Variants in NRG1 observed in about 807,000 individuals in gnomAD.
NRG1 encodes the protein neuregulin 1.
In NRG1, 18 loss-of-function variants were observed where a neutral mutation model predicts 63.8. The observed-to-expected ratio is 0.28, with a 90% CI of 0.19 to 0.42. The LOEUF is 0.42. Ranked by LOEUF, NRG1 falls within the 10% of genes least tolerant of loss-of-function variation. The pLI is 1.00. For synonymous variants in NRG1, 302 were observed against 301.3 expected, an observed-to-expected ratio of 1.00 and a Z score of -0.02; for missense variants, 762 against 814.7, an observed-to-expected ratio of 0.94 and a Z score of 0.79.
At chr8:32,343,769 A>C (rs1375817317) in intron 1 of NRG1, among the ~76,000 whole-genome samples, 1 of 152,178 alleles carries the variant, frequency 6.6e-6, no homozygotes, top group Admixed American at 6.5e-5. Context: ...ATTGTTTAGC[A>C]CCTCATTGTG....
intron 10 of NRG1, 139 bp from the exon 11 acceptor site, chr8:32,760,061 G>A (rs1830414881): frequency 6.5e-6 from 6 of 920,326 alleles, no homozygotes; most frequent in Middle Eastern, 2.4e-4. Flanking sequence ...GATTCTATTC[G>A]GAGACAAGTG....
intron 7 of NRG1, among the ~76,000 whole-genome samples, chr8:32,752,093 A>C (rs932915545): frequency 3.9e-5 from 6 of 152,202 alleles, no homozygotes; most frequent in Admixed American, 2.6e-4. Context: ...GAGGACAATC[A>C]TACAGGGCCT....
At chr8:32,638,315 A>C (rs1033023140) in intron 5 of NRG1, among the ~76,000 whole-genome samples, 1 of 152,158 alleles carries the variant, frequency 6.6e-6, no homozygotes, top group African/African-American at 2.4e-5. Context: ...AAAGTATAAT[A>C]AAAAAATTAA....
intron 3 of NRG1, among the ~76,000 whole-genome samples, chr8:32,608,092 GTTTTTTTTTTTTTTGTTT>G (rs1243415015): frequency 1.8e-4 from 19 of 106,158 alleles, no homozygotes; most frequent in East Asian, 1.5e-3. Context: ...GGTTTTTTTT[GTTTTTTTTTTTTTTGTTT>G]TTTTTTTTTT....
chr8:32,058,802 G>A (rs1317301481), intron 1 of NRG1, among the ~76,000 whole-genome samples: 1 of 151,786 alleles, frequency 6.6e-6, no homozygotes, highest in African/African-American at 2.4e-5. Flanking sequence ...CTGATGACTT[G>A]CAATATTTTC....
At chr8:32,447,473 G>A (rs1587707187) in intron 1 of NRG1, among the ~76,000 whole-genome samples, 1 of 152,120 alleles carries the variant, frequency 6.6e-6, no homozygotes, top group Non-Finnish European at 1.5e-5. Flanking sequence ...TGCATACAGA[G>A]GAAATTGATA....
In NRG1 at chr8:32,669,942, A is replaced by G. The variant is rs182239347; in HGVS notation, c.502+53057A>G. 7.4e-4 allele frequency among the ~76,000 whole-genome samples: 113 copies of G among 152,324 alleles called. 1 individual carries two copies. Among genetic ancestry groups the G allele is most frequent in the Non-Finnish European group, 3.4e-4 (23 of 68,030 alleles). ...CTACATTCTGTTGTATCCCATTTCT[A>G]TCTCAGGGAATTATGTGTGTTTACC... On this transcript the variant is annotated intron_variant, in intron 5 of 11. Transcript: ENST00000356819.
chr8:32,291,686 G>A (rs747749021), intron 1 of NRG1, among the ~76,000 whole-genome samples: 3 of 151,736 alleles, frequency 2.0e-5, no homozygotes, highest in Non-Finnish European at 4.4e-5. Context: ...AGGACTACAG[G>A]TGCACACCAC....
intron 1 of NRG1, among the ~76,000 whole-genome samples, chr8:31,852,039 T>C (rs1475205218): frequency 1.3e-5 from 2 of 149,664 alleles, no homozygotes; most frequent in African/African-American, 4.9e-5. Flanking sequence ...TCCAAGTCTT[T>C]GCTATTGTGA....
At chr8:32,248,140 C>T (rs980260510) in intron 1 of NRG1, among the ~76,000 whole-genome samples, 1 of 152,074 alleles carries the variant, frequency 6.6e-6, no homozygotes, top group Non-Finnish European at 1.5e-5. Flanking sequence ...TTAACAAAAA[C>T]ATGTTCTGCA....
chr8:31,796,711 A>C (rs2131693844), intron 1 of NRG1, among the ~76,000 whole-genome samples: 1 of 152,226 alleles, frequency 6.6e-6, no homozygotes, highest in African/African-American at 2.4e-5. Context: ...TACTGGGATT[A>C]CAGGCGTGAG....
At chr8:32,090,013 A>G (rs1249727435) in intron 1 of NRG1, among the ~76,000 whole-genome samples, 1 of 152,122 alleles carries the variant, frequency 6.6e-6, no homozygotes, top group East Asian at 1.9e-4. Context: ...TACATTAGTA[A>G]CTCTTTTCCT....
rs1826502186 is a variant in NRG1 at position 32,742,272 on chromosome 8, A to T, written c.633-403A>T. On this transcript the variant is annotated intron_variant, in intron 6 of 11. Transcript: ENST00000356819. This position sits in a 1 kb window ranked among gnomAD's most constrained non-coding sequence, Gnocchi z 4.2. ...GGTCCCTAAGTCATCAATTTACAAG[A>T]ATGGCCAGTCACGATGGCCCGTGAT... is the stretch of plus-strand genomic sequence containing the variant. 6.6e-6 allele frequency among the ~76,000 whole-genome samples: 1 copy of T among 152,148 alleles called. No individual in the cohort carries two copies. The highest frequency in any genetic ancestry group is 6.6e-5 in the Admixed American group (1 of 15,266).
intron 1 of NRG1, among the ~76,000 whole-genome samples, chr8:32,521,771 T>C (rs1213785108): frequency 6.6e-6 from 1 of 152,190 alleles, no homozygotes; most frequent in Non-Finnish European, 1.5e-5. Flanking sequence ...GGATAGCTTT[T>C]TGAAGAAGAT....
chr8:32,105,895 T>C (rs1026223703), intron 1 of NRG1, among the ~76,000 whole-genome samples: 1 of 152,144 alleles, frequency 6.6e-6, no homozygotes, highest in African/African-American at 2.4e-5. Context: ...GTATGACAAA[T>C]TACATGCTTC....
intron 1 of NRG1, among the ~76,000 whole-genome samples, chr8:32,212,105 A>G (rs1421349332): frequency 1.3e-5 from 2 of 151,936 alleles, no homozygotes; most frequent in Admixed American, 1.3e-4. Flanking sequence ...TAAGAGGTAA[A>G]TGTGTGTTTC....
intron 5 of NRG1, among the ~76,000 whole-genome samples, chr8:32,681,121 G>A (rs1296737545): frequency 6.6e-6 from 1 of 152,064 alleles, no homozygotes; most frequent in African/African-American, 2.4e-5. Flanking sequence ...TAAGAGAGTA[G>A]GAATCAGATA....
At chr8:32,354,051 T>A (rs933022705) in intron 1 of NRG1, among the ~76,000 whole-genome samples, 1 of 152,076 alleles carries the variant, frequency 6.6e-6, no homozygotes, top group Non-Finnish European at 1.5e-5. Context: ...ATAATTACAC[T>A]AAGTGATAGA....
chr8:32,444,582 C>CT (rs1383260421), intron 1 of NRG1, among the ~76,000 whole-genome samples: 1 of 152,150 alleles, frequency 6.6e-6, no homozygotes, highest in African/African-American at 2.4e-5. Context: ...AAGCAGTTGA[C>CT]TTGTTAGTGG....
Sources: allele counts gnomAD v4.1 joint callset (sites outside exome capture counted in the v4.1 genomes callset), GRCh38; gene constraint gnomAD v4.1.1; non-coding constraint Gnocchi (gnomAD v3.1); transcripts MANE v1.5; gene names NCBI Gene and HGNC (gene_info 2026-07-23, HGNC 2026-07-21).